The following TSBP1 variants were observed in gnomAD, a reference collection of about 807,000 sequenced individuals.
TSBP1 encodes the protein testis-expressed basic protein 1.
A neutral mutation model predicts 68.8 loss-of-function variants in TSBP1; 56 were observed. The ratio of observed to expected loss-of-function variants is 0.81; its 90% CI spans 0.66 to 1.02. The LOEUF is 1.02. Among genes scored for constraint, TSBP1 ranks in the 50% least tolerant of loss-of-function variants. The pLI is 0.00. For synonymous variants in TSBP1, 171 were observed against 208.7 expected (o/e 0.82, Z 1.56); for missense variants, 502 against 641.2 (o/e 0.78, Z 2.34).
chr6:32,367,678 A>G (rs1261745899), intron 4 of TSBP1, among the ~76,000 whole-genome samples: 2 of 152,192 alleles, frequency 1.3e-5, no homozygotes, highest in Non-Finnish European at 1.5e-5. Context: ...TAACCTTTCT[A>G]ATATCTTGGA....
Position 32,335,150 on chromosome 6 carries a change from T to G in TSBP1, c.472+287A>C, listed in dbSNP as rs1726890522. 6.6e-6 allele frequency among the ~76,000 whole-genome samples: 1 copy of G among 152,222 alleles called. No homozygotes were observed. The highest frequency in any genetic ancestry group is 1.5e-5 in the Non-Finnish European group (1 of 68,042). On this transcript the variant is annotated intron_variant, in intron 14 of 22. Transcript: ENST00000612031. The surrounding 1 kb of genome is among the most constrained non-coding windows in gnomAD (Gnocchi z 5.5). ...AGCAGGAAGTTTAGGTGCTGGGTTC[T>G]AAGTCTTTATTAAGTATTGGCTCTA...
intron 4 of TSBP1, among the ~76,000 whole-genome samples, chr6:32,366,762 CAAAAAAAAAAA>C (rs9257084): frequency 2.6e-5 from 2 of 77,448 alleles, no homozygotes; most frequent in Middle Eastern, 0.01. Context: ...GACTCCGTCT[CAAAAAAAAAAA>C]AAAAAAAAAA....
chr6:32,339,543 G>T, intron 10 of TSBP1, 57 bp downstream of exon 11: 1 of 895,094 alleles, frequency 1.1e-6, no homozygotes, highest in Non-Finnish European at 1.9e-6. Context: ...CCATAAATTT[G>T]TACAATTATT....
chr6:32,296,512 T>A lies in TSBP1; in HGVS notation c.638-2477A>T, dbSNP rs980158787. On this transcript the variant is annotated intron_variant, in intron 22 of 22. Coordinates refer to ENST00000612031, the Ensembl canonical transcript of TSBP1. ...TAATGAAAATCAGTGGTAATATATT[T>A]CAAGCATTGCTAAATTGAGAAAAAT... Among the ~76,000 whole-genome samples, 144 of 152,236 alleles carry A rather than the reference T, an allele frequency of 9.5e-4. 1 individual carries two copies. Among genetic ancestry groups the A allele is most frequent in the African/African-American group, 3.3e-3 (137 of 41,452 alleles).
At chr6:32,354,114 G>A (rs1027050999) in intron 8 of TSBP1, among the ~76,000 whole-genome samples, 2 of 151,848 alleles carry the variant, frequency 1.3e-5, no homozygotes, top group East Asian at 3.8e-4. Context: ...AGTGAGTAGA[G>A]GCCTTCTAAA....
At position 32,337,403 on chromosome 6, in the gene TSBP1, G is replaced by T. The variant is rs1309077694; in HGVS notation, c.410-768C>A. On this transcript the variant is annotated intron_variant, in intron 11 of 22. Coordinates refer to ENST00000612031, the Ensembl canonical transcript of TSBP1. This position sits in a 1 kb window ranked among gnomAD's most constrained non-coding sequence, Gnocchi z 5.5. ...GCTTGTATCTCAGGAGATTACACAG[G>T]CCATTGCCTGTCTTCCAGCTGGCTA... Among the ~76,000 whole-genome samples, 1 of 152,146 alleles carries T rather than the reference G, an allele frequency of 6.6e-6. No homozygotes were observed. The highest frequency in any genetic ancestry group is 1.5e-5 in the Non-Finnish European group (1 of 68,028).
rs1176042758 is a variant in TSBP1 at position 32,368,774 on chromosome 6, GTACT to G, written c.133+4_133+7del. 4 of 1,576,256 alleles carry G rather than the reference GTACT, an allele frequency of 2.5e-6. No individual in the cohort carries two copies. The highest frequency in any genetic ancestry group is 1.1e-5 in the South Asian group (1 of 87,650). On this transcript the variant is annotated splice_donor_5th_base_variant and intron_variant, in intron 3 of 22. Coordinates refer to ENST00000612031, the Ensembl canonical transcript of TSBP1. ...ATATTTATTTTTCTCATGAGTATAA[GTACT>G]TACTTTGTTCTGAACTGTATCTGGA...
At position 32,336,698 on chromosome 6, in the gene TSBP1, T is replaced by A; in HGVS notation, c.410-63A>T. 6.8e-7 allele frequency: 1 copy of A among 1,481,042 alleles called. No individual in the cohort carries two copies. The highest frequency in any genetic ancestry group is 9.4e-7 in the Non-Finnish European group (1 of 1,061,670). The allele number at this position is 1,481,042 out of a possible 1,614,324, so 91.7% of individuals were successfully genotyped here. A position where few individuals can be genotyped will look rare whatever the true frequency, so the allele number is the denominator to read the frequency against. ...AATAGAATTTTCATTTTACCAGTAT[T>A]GTTTCTAAAGAAACTATGAAGCAAT... is the stretch of plus-strand genomic sequence containing the variant. On this transcript the variant is annotated intron_variant, in intron 11 of 22. Coordinates refer to ENST00000612031, the Ensembl canonical transcript of TSBP1. This position sits in a 1 kb window ranked among gnomAD's most constrained non-coding sequence, Gnocchi z 5.2.
At chr6:32,311,258 A>T (rs1365441879) in intron 19 of TSBP1, among the ~76,000 whole-genome samples, 1 of 152,118 alleles carries the variant, frequency 6.6e-6, no homozygotes, top group Non-Finnish European at 1.5e-5. Flanking sequence ...TGTTACCTAT[A>T]TGCTGATTAC....
rs762038965 is a variant in TSBP1 at position 32,349,708 on chromosome 6, C to A, written c.349+32G>T. ...CTCTTGATTAAATGGGGCTAAATGT[C>A]AGCAGAATTGAAGAAAAGTAAAGGA... On this transcript the variant is annotated intron_variant, in intron 9 of 22. Transcript: ENST00000612031. The A allele has an allele frequency of 4.5e-6, 6 of 1,329,028 alleles. No individual in the cohort carries two copies. The Admixed American group carries it at 5.1e-5, about 11-fold the overall frequency. The allele number at this position is 1,329,028 out of a possible 1,614,324, so 82.3% of individuals were successfully genotyped here. A position where few individuals can be genotyped will look rare whatever the true frequency, so the allele number is the denominator to read the frequency against.
rs569207192 is a variant in TSBP1 at position 32,343,290 on chromosome 6, C to A, written c.350-3652G>T. 3 of 1,331,604 alleles carry A rather than the reference C, an allele frequency of 2.3e-6. No individual in the cohort carries two copies. The African/African-American group carries it at 4.6e-5, about 20-fold the overall frequency. The allele number at this position is 1,331,604 out of a possible 1,614,324, so 82.5% of individuals were successfully genotyped here. ...AACAATAACAATTATTCAAGTCAGT[C>A]TAAAGTTTCAATAATCCATCAATTT... On this transcript the variant is annotated intron_variant, in intron 9 of 22. Transcript: ENST00000612031. The surrounding 1 kb of genome is among the most constrained non-coding windows in gnomAD (Gnocchi z 4.3).
chr6:32,323,252 A>C, intron 17 of TSBP1, 115 bp from the exon 19 acceptor site: 1 of 707,128 alleles, frequency 1.4e-6, no homozygotes, highest in Non-Finnish European at 2.5e-6. Flanking sequence ...CTAAATTATG[A>C]TTCTATGACT....
At chr6:32,364,871 T>G (rs1467768241) in intron 6 of TSBP1, among the ~76,000 whole-genome samples, 1 of 151,318 alleles carries the variant, frequency 6.6e-6, no homozygotes, top group Non-Finnish European at 1.5e-5. Context: ...CTGTTCAATA[T>G]TTGTTTGTGC....
chr6:32,362,288 C>CAAAAAA (rs9257083), intron 6 of TSBP1, among the ~76,000 whole-genome samples: 38,627 of 100,044 alleles, frequency 0.39, 8,049 homozygotes, highest in Non-Finnish European at 0.49. Context: ...GACTCCGTCT[C>CAAAAAA]AAAAAAAAAA....
chr6:32,311,174 T>C (rs887306210), intron 19 of TSBP1, among the ~76,000 whole-genome samples: 1 of 152,230 alleles, frequency 6.6e-6, no homozygotes, highest in Admixed American at 6.5e-5. Context: ...TCTAAACTTC[T>C]AAAACTGATT....
At chr6:32,297,248 T>C (rs1417504498) in intron 22 of TSBP1, among the ~76,000 whole-genome samples, 1 of 152,154 alleles carries the variant, frequency 6.6e-6, no homozygotes, top group Non-Finnish European at 1.5e-5. Context: ...ATATAAAGAC[T>C]TGGAAGCCCT....
chr6:32,331,416 A>G (rs978128727), intron 15 of TSBP1, among the ~76,000 whole-genome samples: 2 of 152,274 alleles, frequency 1.3e-5, no homozygotes, highest in Non-Finnish European at 2.9e-5. Flanking sequence ...TTTCTAAAAT[A>G]TAATTGGTTG....
chr6:32,342,379 C>T (rs1770486266), intron 9 of TSBP1, among the ~76,000 whole-genome samples: 2 of 152,136 alleles, frequency 1.3e-5, no homozygotes, highest in Admixed American at 1.3e-4. Flanking sequence ...GTCTCGAACT[C>T]CTGACCTCAG....
chr6:32,330,565 G>T (rs1768861517), intron 16 of TSBP1, 24 bp downstream of exon 17: 10 of 1,607,156 alleles, frequency 6.2e-6, no homozygotes, highest in Non-Finnish European at 7.7e-6. Flanking sequence ...AACCTGGAGG[G>T]AGAAGGATAG....
Sources: allele counts gnomAD v4.1 joint callset (sites outside exome capture counted in the v4.1 genomes callset), GRCh38; gene constraint gnomAD v4.1.1; non-coding constraint Gnocchi (gnomAD v3.1); transcripts MANE v1.5; gene names NCBI Gene and HGNC (gene_info 2026-07-23, HGNC 2026-07-21).